SDK1: variants seen among roughly 807,000 people sequenced by gnomAD.
SDK1 encodes the protein sidekick cell adhesion molecule 1, also known as protein sidekick-1.
Under a neutral mutation model 245.5 loss-of-function variants are expected in SDK1, and 157 were observed. The observed-to-expected ratio is 0.64, with a 90% CI of 0.56 to 0.73. SDK1 has a LOEUF of 0.73. SDK1 is among the 30% of genes least tolerant of loss of function. The pLI, the probability that SDK1 is intolerant of heterozygous loss-of-function variation, is 0.00. For missense variants in SDK1, 3,583 were observed against 3,002.3 expected, an observed-to-expected ratio of 1.19 and a Z score of -4.52; for synonymous variants, 1,647 against 1,278.5, an observed-to-expected ratio of 1.29 and a Z score of -6.15.
intron 4 of SDK1, among the ~76,000 whole-genome samples, chr7:3,667,905 A>C (rs1291828700): frequency 6.6e-6 from 1 of 152,226 alleles, no homozygotes; most frequent in Non-Finnish European, 1.5e-5. Context: ...GATGCTAGAA[A>C]CATTCACAAA....
intron 16 of SDK1, among the ~76,000 whole-genome samples, chr7:4,014,675 T>A (rs1368824917): frequency 6.6e-6 from 1 of 152,142 alleles, no homozygotes; most frequent in Non-Finnish European, 1.5e-5. Context: ...ATAGGGAGGG[T>A]GTTTCTTTGA....
At chr7:4,033,418 A>G (rs34786362) in intron 17 of SDK1, among the ~76,000 whole-genome samples, 47,474 of 152,118 alleles carry the variant, frequency 0.31, 11,342 homozygotes, top group African/African-American at 0.67. Flanking sequence ...CTTGTCTAAC[A>G]ATGACTCAAA....
chr7:3,620,486 A>T (rs942928491), intron 2 of SDK1, among the ~76,000 whole-genome samples: 1 of 152,038 alleles, frequency 6.6e-6, no homozygotes, highest in East Asian at 1.9e-4. Context: ...TATTTTTAGT[A>T]GAGATGGGGT....
intron 17 of SDK1, among the ~76,000 whole-genome samples, chr7:4,018,481 C>A (rs189029569): frequency 1.3e-5 from 2 of 152,292 alleles, no homozygotes; most frequent in African/African-American, 2.4e-5. Flanking sequence ...AGGACCTGTC[C>A]ATATGCAAGT....
intron 1 of SDK1, among the ~76,000 whole-genome samples, chr7:3,522,335 G>GATC (rs772499807): frequency 3.3e-5 from 5 of 152,102 alleles, no homozygotes; most frequent in Non-Finnish European, 2.9e-5. Context: ...ATTATATGAG[G>GATC]ATCACCCAGC....
intron 1 of SDK1, among the ~76,000 whole-genome samples, chr7:3,474,904 C>G (rs756015981): frequency 6.6e-6 from 1 of 152,050 alleles, no homozygotes; most frequent in Non-Finnish European, 1.5e-5. Context: ...GTTGTCCAAG[C>G]TGGTATTGAA....
intron 1 of SDK1, among the ~76,000 whole-genome samples, chr7:3,458,739 C>T (rs1024904670): frequency 3.9e-5 from 6 of 152,086 alleles, no homozygotes; most frequent in Non-Finnish European, 7.4e-5. Context: ...TCCAGTGCAG[C>T]GCAGTGTCAC....
intron 1 of SDK1, among the ~76,000 whole-genome samples, chr7:3,460,969 A>G (rs1490282016): frequency 6.6e-6 from 1 of 152,220 alleles, no homozygotes; most frequent in Non-Finnish European, 1.5e-5. Context: ...ACATTCAAGA[A>G]TAAATCACAG....
intron 5 of SDK1, among the ~76,000 whole-genome samples, chr7:3,915,201 C>A (rs968160026): frequency 6.6e-6 from 1 of 152,142 alleles, no homozygotes; most frequent in African/African-American, 2.4e-5. Flanking sequence ...AAAGCTGGAG[C>A]CTGGCTTCTG....
chr7:3,959,150 G>A (rs1049274875), intron 8 of SDK1, 136 bp downstream of exon 8: 24 of 724,640 alleles, frequency 3.3e-5, no homozygotes, highest in South Asian at 9.7e-5. Flanking sequence ...AGAGTAGATC[G>A]GTCTTGGGGC....
At chr7:3,399,803 G>A (rs146256906) in intron 1 of SDK1, among the ~76,000 whole-genome samples, 5 of 152,044 alleles carry the variant, frequency 3.3e-5, no homozygotes, top group South Asian at 2.1e-4. Flanking sequence ...TATATGGCCC[G>A]GTACATGTGT....
At chr7:3,670,106 T>C (rs1019337713) in intron 4 of SDK1, among the ~76,000 whole-genome samples, 2 of 152,244 alleles carry the variant, frequency 1.3e-5, no homozygotes, top group Non-Finnish European at 2.9e-5. Flanking sequence ...TCTTGCCTCT[T>C]TCATTGGTCT....
intron 19 of SDK1, among the ~76,000 whole-genome samples, chr7:4,056,558 C>G (rs1480607699): frequency 1.3e-5 from 2 of 152,130 alleles, no homozygotes; most frequent in African/African-American, 4.8e-5. Context: ...AGGTTCCCCA[C>G]TGTGGGAAAA....
intron 5 of SDK1, among the ~76,000 whole-genome samples, chr7:3,856,365 G>A (rs78170412): frequency 0.014 from 2,110 of 151,234 alleles, 56 homozygotes; most frequent in African/African-American, 0.049. Flanking sequence ...GGCAAAATAA[G>A]TGCATAAAAT....
intron 5 of SDK1, 63 bp downstream of exon 5, chr7:3,821,646 C>G (rs1779648923): frequency 3.9e-6 from 6 of 1,540,670 alleles, no homozygotes; most frequent in African/African-American, 1.4e-5. Flanking sequence ...AATCAGTAAC[C>G]ACTGTCTGAC....
rs978971217 is a variant in SDK1, at chr7:4,265,512, G to T, written c.*128G>T. On this transcript the variant is annotated 3_prime_UTR_variant, in exon 45 of 45. Coordinates refer to ENST00000404826, the MANE Select transcript of SDK1 (RefSeq NM_152744.4). Reference sequence around the variant, plus strand: ...AAAAGAAAAAAATCTGATAAGTGATGATTTTACCTACTTGTGGACACTAGA... The same window carrying T: ...AAAAGAAAAAAATCTGATAAGTGATTATTTTACCTACTTGTGGACACTAGA... 5.1e-6 allele frequency: 7 copies of T among 1,369,420 alleles called. No individual in the cohort carries two copies. In the South Asian group the frequency reaches 5.4e-5, roughly 11 times the overall value. 84.8% of individuals were successfully genotyped at this position (1,369,420 alleles called of 1,614,324 possible).
chr7:4,233,208 A>T, intron 40 of SDK1, 47 bp from the exon 41 acceptor site: 1 of 1,575,738 alleles, frequency 6.3e-7, no homozygotes, highest in Non-Finnish European at 8.7e-7. Context: ...CGCATCTGGG[A>T]CTTCGCACTT....
At chr7:3,977,430 G>T (rs111459354) in intron 13 of SDK1, among the ~76,000 whole-genome samples, 1 of 151,134 alleles carries the variant, frequency 6.6e-6, no homozygotes, top group Non-Finnish European at 1.5e-5. Context: ...GCCACACAGA[G>T]GGTCCTCCAG....
In SDK1 at chr7:4,158,465, C is replaced by T; in HGVS notation, c.4643C>T (p.Ser1548Phe). Residue 1548 changes from serine to phenylalanine, a missense_variant, in exon 31 of 45, where the codon TCC (serine) becomes TTC (phenylalanine). Physicochemically the swap from Ser to Phe is radical, Grantham distance 155. Transcript: ENST00000404826. ...CVVDRLRPFT[S>F]YKLRLKATND... ...CATTGCAGACTGAGGCCCTTCACCT[C>T]CTACAAGCTGCGCCTGAAAGCCACC... 6.2e-7 allele frequency: 1 copy of T among 1,613,624 alleles called. No homozygotes were observed.
Sources: gnomAD v4.1 joint callset for allele counts (sites outside exome capture counted in the v4.1 genomes callset) on GRCh38, gnomAD v4.1.1 for gene constraint, MANE v1.5 for transcripts, NCBI Gene and HGNC (gene_info 2026-07-23, HGNC 2026-07-21) for gene names.